The following CLVS1 variants were observed in gnomAD, a reference collection of about 807,000 sequenced individuals.
CLVS1 encodes the protein clavesin-1.
Under a neutral mutation model 33.1 loss-of-function variants are expected in CLVS1, and 10 were observed. That is an observed-to-expected ratio of 0.30 (90% CI 0.19 to 0.51). The LOEUF (loss-of-function observed/expected upper bound fraction) is 0.51, where lower values mean the gene tolerates loss of function less well. Among genes scored for constraint, CLVS1 ranks in the 20% least tolerant of loss-of-function variants. The probability of loss-of-function intolerance (pLI) is 0.97; values close to 1 mark genes in which losing one functional copy is unlikely to be tolerated. For missense variants in CLVS1, 343 were observed against 433.4 expected (o/e 0.79, Z 1.85); for synonymous variants, 163 against 166.1 (o/e 0.98, Z 0.14).
the CLVS1 span, among the ~76,000 whole-genome samples, chr8:60,980,269 T>C: frequency 3.3e-4 from 51 of 152,338 alleles, no homozygotes; most frequent in East Asian, 8.1e-3. Flanking sequence ...ATTACCTCAA[T>C]CCTTAACTAA....
chr8:61,256,635 A>G (rs1303705431), intron 2 of CLVS1, among the ~76,000 whole-genome samples: 4 of 122,808 alleles, frequency 3.3e-5, no homozygotes, highest in Non-Finnish European at 4.7e-5. Context: ...CCTACTCTTT[A>G]TCTCAAAAAC....
intron 3 of CLVS1, among the ~76,000 whole-genome samples, chr8:61,380,599 C>T (rs961181768): frequency 1.3e-5 from 2 of 152,076 alleles, no homozygotes; most frequent in African/African-American, 4.8e-5. Context: ...TATACTCCTG[C>T]TGGGCTGTTT....
rs187741232 is a variant in CLVS1 at position 61,078,394 on chromosome 8, A to G, written c.-243+21164A>G. 6.4e-3 allele frequency among the ~76,000 whole-genome samples: 969 copies of G among 152,334 alleles called. 36 individuals carry two copies. The highest frequency in any genetic ancestry group is 0.059 in the Admixed American group (905 of 15,306). On this transcript the variant is annotated intron_variant, in intron 1 of 2. Coordinates refer to the CLVS1 transcript ENST00000522621. Reference sequence around the variant, plus strand: ...GTGTGTTTGTTTATCTGCCAACTTCAGCAATCAATCCAGGGTGGGAGGGCA... The same window carrying G: ...GTGTGTTTGTTTATCTGCCAACTTCGGCAATCAATCCAGGGTGGGAGGGCA...
chr8:61,434,496 G>T (rs1324095442), intron 3 of CLVS1, among the ~76,000 whole-genome samples: 1 of 152,112 alleles, frequency 6.6e-6, no homozygotes, highest in Non-Finnish European at 1.5e-5. Context: ...GGTGGTTGGG[G>T]TATAGCTTAG....
chr8:61,234,675 C>T (rs777867874), intron 2 of CLVS1, among the ~76,000 whole-genome samples: 17 of 152,116 alleles, frequency 1.1e-4, no homozygotes, highest in Non-Finnish European at 2.4e-4. Context: ...CCCAAGATCA[C>T]GCAGGCGGAC....
At chr8:61,353,488 A>G (rs1192666831) in intron 2 of CLVS1, among the ~76,000 whole-genome samples, 1 of 151,946 alleles carries the variant, frequency 6.6e-6, no homozygotes, top group Non-Finnish European at 1.5e-5. Flanking sequence ...TTACTTCTAA[A>G]TGATTTATAG....
At chr8:61,098,122 T>G (rs1307739579) in intron 1 of CLVS1, among the ~76,000 whole-genome samples, 1 of 152,104 alleles carries the variant, frequency 6.6e-6, no homozygotes, top group Non-Finnish European at 1.5e-5. Flanking sequence ...ATCGCACCAC[T>G]GCACTCCAGC....
chr8:61,193,850 C>G (rs1032574565), intron 2 of CLVS1, among the ~76,000 whole-genome samples: 2 of 151,812 alleles, frequency 1.3e-5, no homozygotes, highest in African/African-American at 2.4e-5. Context: ...TAAATTTAAG[C>G]AAACATTGTG....
intron 2 of CLVS1, among the ~76,000 whole-genome samples, chr8:61,306,836 A>C (rs954605494): frequency 2.0e-5 from 3 of 152,210 alleles, no homozygotes; most frequent in African/African-American, 7.2e-5. Flanking sequence ...TAAAGGCTGC[A>C]GCATTTGAGG....
intron 2 of CLVS1, among the ~76,000 whole-genome samples, chr8:61,215,722 G>GTGTGTGTGTT (rs1486851613): frequency 1.1e-5 from 1 of 95,064 alleles, no homozygotes; most frequent in African/African-American, 5.2e-5. Flanking sequence ...GTGTGTGTGT[G>GTGTGTGTGTT]TGTGTGTTTT....
intron 5 of CLVS1, among the ~76,000 whole-genome samples, chr8:61,469,872 G>A (rs900048304): frequency 6.6e-6 from 1 of 152,096 alleles, no homozygotes; most frequent in Non-Finnish European, 1.5e-5. Context: ...CCTCTAAATT[G>A]CCTTTGTCTG....
At chr8:61,171,096 G>A (rs16926976) in intron 2 of CLVS1, among the ~76,000 whole-genome samples, 11,851 of 151,568 alleles carry the variant, frequency 0.078, 692 homozygotes, top group African/African-American at 0.14. Context: ...AATGAGTTTC[G>A]CAGCTTTCTG....
At chr8:61,054,133 A>G (rs974624050), upstream of CLVS1, among the ~76,000 whole-genome samples, 4 of 152,238 alleles carry the variant, frequency 2.6e-5, no homozygotes, top group Non-Finnish European at 5.9e-5. Flanking sequence ...AGCCTCCTAC[A>G]TGAAACCTTA....
intron 2 of CLVS1, among the ~76,000 whole-genome samples, chr8:61,337,300 G>A (rs1300024344): frequency 1.3e-5 from 2 of 152,168 alleles, no homozygotes; most frequent in African/African-American, 4.8e-5. Context: ...ATTTCCCTGT[G>A]AGGTAGTTCC....
At chr8:61,036,765 C>T in the CLVS1 span, among the ~76,000 whole-genome samples, 2 of 152,350 alleles carry the variant, frequency 1.3e-5, no homozygotes, top group African/African-American at 2.4e-5. Flanking sequence ...AGCCACCTTG[C>T]TAACGTTTGC....
At chr8:61,146,358 T>C (rs1806417901) in intron 2 of CLVS1, among the ~76,000 whole-genome samples, 3 of 152,090 alleles carry the variant, frequency 2.0e-5, no homozygotes, top group African/African-American at 7.2e-5. Flanking sequence ...CTAGCTGCCA[T>C]AGAAAAGGAG....
rs546695003 is a variant in CLVS1, at chr8:61,162,516, G to A, written c.-152+30656G>A. Among the ~76,000 whole-genome samples the A allele has an allele frequency of 1.8e-4, 27 of 152,276 alleles. No individual in the cohort carries two copies. The East Asian group carries it at 1.9e-3, about 11-fold the overall frequency. On this transcript the variant is annotated intron_variant, in intron 2 of 2. Transcript: ENST00000522621. ...GAATTTCTTACCAGTCAGACTCCTC[G>A]TTCTCTGTCTATGAATTCCAGTTGA...
the CLVS1 span, among the ~76,000 whole-genome samples, chr8:61,034,441 C>T: frequency 6.6e-6 from 1 of 151,916 alleles, no homozygotes; most frequent in Non-Finnish European, 1.5e-5. Flanking sequence ...ATATTATTAA[C>T]AATAGTTGCC....
the CLVS1 span, among the ~76,000 whole-genome samples, chr8:60,999,124 TCTCA>T: frequency 1.3e-5 from 2 of 152,106 alleles, no homozygotes; most frequent in Non-Finnish European, 2.9e-5. Flanking sequence ...GAGATCCAAA[TCTCA>T]CTCTAAAGCC....
Sources: allele counts gnomAD v4.1 joint callset (sites outside exome capture counted in the v4.1 genomes callset), GRCh38; gene constraint gnomAD v4.1.1; transcripts MANE v1.5; gene names NCBI Gene and HGNC (gene_info 2026-07-23, HGNC 2026-07-21).